Variants in SRGAP3 observed in about 807,000 individuals in gnomAD.
SRGAP3 encodes the protein SLIT-ROBO Rho GTPase activating protein 3.
SRGAP3 carries 39 observed loss-of-function variants against 121.1 expected under a neutral mutation model. The observed-to-expected ratio is 0.32, with a 90% CI of 0.25 to 0.42. SRGAP3 has a LOEUF of 0.42. Among genes scored for constraint, SRGAP3 ranks in the 10% least tolerant of loss-of-function variants. SRGAP3 has a pLI of 1.00. For synonymous variants in SRGAP3, 601 were observed against 570.0 expected, an observed-to-expected ratio of 1.05 and a Z score of -0.77; for missense variants, 1,213 against 1,470.6, an observed-to-expected ratio of 0.82 and a Z score of 2.86.
At chr3:9,096,131 T>C (rs1947957471) in intron 3 of SRGAP3, among the ~76,000 whole-genome samples, 1 of 152,152 alleles carries the variant, frequency 6.6e-6, no homozygotes, top group Non-Finnish European at 1.5e-5. Context: ...TTGTCTTAAT[T>C]TTCTTATTAT....
At chr3:9,335,774 T>A (rs565924064) in intron 1 of SRGAP3, among the ~76,000 whole-genome samples, 1 of 152,236 alleles carries the variant, frequency 6.6e-6, no homozygotes, top group Non-Finnish European at 1.5e-5. Flanking sequence ...GAGAAGTTTA[T>A]AAAATATCAA....
intron 1 of SRGAP3, among the ~76,000 whole-genome samples, chr3:9,166,149 C>A (rs559697881): frequency 1.3e-5 from 2 of 152,320 alleles, no homozygotes; most frequent in South Asian, 2.1e-4. Context: ...CATCTGCCTG[C>A]TCTCATGTGT....
At position 9,167,547 on chromosome 3, in the gene SRGAP3, T is replaced by C. The variant is rs147588921; in HGVS notation, c.68-42630A>G. Among the ~76,000 whole-genome samples, 875 of 152,266 alleles carry C rather than the reference T, an allele frequency of 5.7e-3. 8 individuals are homozygous for C. The highest frequency in any genetic ancestry group is 0.02 in the African/African-American group (822 of 41,544). ...TGCTCCTAAATTCTGGGAGCTGAAT[T>C]CCCTGCTGTCAACGCCTAGGGGGGG... is the stretch of plus-strand genomic sequence containing the variant. On this transcript the variant is annotated intron_variant, in intron 1 of 21. Transcript: ENST00000383836.
intron 1 of SRGAP3, among the ~76,000 whole-genome samples, chr3:9,158,264 G>A (rs1345449497): frequency 2.6e-5 from 4 of 152,170 alleles, no homozygotes; most frequent in Non-Finnish European, 4.4e-5. Context: ...AAGGAGGTGG[G>A]GTGGGGAGGG....
intron 1 of SRGAP3, among the ~76,000 whole-genome samples, chr3:9,358,565 T>C (rs28826951): frequency 0.02 from 3,019 of 152,282 alleles, 101 homozygotes; most frequent in African/African-American, 0.067. Flanking sequence ...CAGCTGTGTG[T>C]TCTCCAACTC....
rs568176419 is a variant in SRGAP3 at position 9,040,171 on chromosome 3, C to G, written c.1409-2081G>C. ...ACTGGGTCTCCTATTCCACTACCAT[C>G]CATTCTTGCCTCAGCAGCCAAGCAA... On this transcript the variant is annotated intron_variant, in intron 10 of 21. Coordinates refer to ENST00000383836, the MANE Select transcript of SRGAP3 (RefSeq NM_014850.4). Among the ~76,000 whole-genome samples, 3 of 152,332 alleles carry G rather than the reference C, an allele frequency of 2.0e-5. No homozygotes were observed. The South Asian group carries it at 6.2e-4, about 32-fold the overall frequency.
chr3:9,164,276 T>TTTTATTTTATTTATTTATTTA (rs1950703976), intron 1 of SRGAP3, among the ~76,000 whole-genome samples: 1 of 140,772 alleles, frequency 7.1e-6, no homozygotes, highest in Non-Finnish European at 1.6e-5. Flanking sequence ...ACCCAGACTA[T>TTTTATTTTATTTATTTATTTA]TTTATTTATT....
intron 1 of SRGAP3, chr3:9,216,728 C>G (rs1032548896): frequency 6.6e-6 from 1 of 152,606 alleles, no homozygotes; most frequent in African/African-American, 2.4e-5. Context: ...CTGACAAGAC[C>G]GCAGCACATG....
chr3:9,202,237 C>T (rs141733127), intron 1 of SRGAP3, among the ~76,000 whole-genome samples: 1 of 152,280 alleles, frequency 6.6e-6, no homozygotes, highest in African/African-American at 2.4e-5. Flanking sequence ...ATTAGCTCGC[C>T]CTTGAGGCAG....
At position 9,089,304 on chromosome 3, in the gene SRGAP3, G is replaced by T. The variant is rs893415962; in HGVS notation, c.424-9217C>A. On this transcript the variant is annotated intron_variant, in intron 3 of 21. Transcript: ENST00000383836. ...TAAGTGGGGTGGGCGGGGGGGGGGG[G>T]GGGGCTGGAGGCTCAGAATGGCTGA... 2.3e-4 allele frequency among the ~76,000 whole-genome samples: 23 copies of T among 98,340 alleles called. 2 individuals carry two copies. The highest frequency in any genetic ancestry group is 4.8e-4 in the Non-Finnish European group (21 of 43,984). 64.5% of individuals were successfully genotyped at this position (98,340 alleles called of 152,430 possible). A position where few individuals can be genotyped will look rare whatever the true frequency, so the allele number is the denominator to read the frequency against.
chr3:9,172,469 T>C (rs1382987212), intron 1 of SRGAP3, among the ~76,000 whole-genome samples: 3 of 152,234 alleles, frequency 2.0e-5, no homozygotes, highest in South Asian at 4.1e-4. Flanking sequence ...CACATTCACC[T>C]GTACAGGGGT....
intron 3 of SRGAP3, among the ~76,000 whole-genome samples, chr3:9,091,530 T>C (rs1947755084): frequency 6.6e-6 from 1 of 152,108 alleles, no homozygotes; most frequent in Admixed American, 6.6e-5. Context: ...ATACATGATG[T>C]ATGTAAGCAC....
At chr3:9,214,616 T>C (rs888381446) in intron 1 of SRGAP3, among the ~76,000 whole-genome samples, 2 of 152,144 alleles carry the variant, frequency 1.3e-5, no homozygotes, top group Non-Finnish European at 2.9e-5. Flanking sequence ...TAGAAATCAC[T>C]GAAATAGACA....
At chr3:9,288,778 T>C (rs928239000) in intron 3 of SRGAP3, among the ~76,000 whole-genome samples, 2 of 151,238 alleles carry the variant, frequency 1.3e-5, no homozygotes, top group African/African-American at 4.9e-5. Flanking sequence ...GTTCCACTAT[T>C]TTGCCCAGGC....
intron 1 of SRGAP3, among the ~76,000 whole-genome samples, chr3:9,203,733 G>A (rs1952153689): frequency 6.6e-6 from 1 of 152,192 alleles, no homozygotes; most frequent in African/African-American, 2.4e-5. Context: ...ACATGGTAAA[G>A]GTTCAAAACT....
At chr3:9,032,567 T>G (rs1397024510) in intron 12 of SRGAP3, 83 bp downstream of exon 12, 9 of 1,285,816 alleles carry the variant, frequency 7.0e-6, no homozygotes, top group Non-Finnish European at 9.0e-6. Context: ...AGGACAGGGC[T>G]GTCTGCTGGC....
intron 1 of SRGAP3, among the ~76,000 whole-genome samples, chr3:9,226,755 A>G (rs574291613): frequency 1.4e-4 from 22 of 152,306 alleles, no homozygotes; most frequent in Non-Finnish European, 2.8e-4. Flanking sequence ...TGAGATGGCC[A>G]TCCATTCACA....
At chr3:9,325,848 C>T (rs1955508808) in intron 3 of SRGAP3, among the ~76,000 whole-genome samples, 1 of 151,882 alleles carries the variant, frequency 6.6e-6, no homozygotes. Context: ...ATAATAGACC[C>T]CTTTTTCATT....
At chr3:8,999,340 G>A (rs749927572) in intron 18 of SRGAP3, among the ~76,000 whole-genome samples, 1 of 152,236 alleles carries the variant, frequency 6.6e-6, no homozygotes, top group Non-Finnish European at 1.5e-5. Context: ...CTAGACATGG[G>A]CTTTTCCGGA....
Sources: gnomAD v4.1 joint callset for allele counts (sites outside exome capture counted in the v4.1 genomes callset) on GRCh38, gnomAD v4.1.1 for gene constraint, MANE v1.5 for transcripts, NCBI Gene and HGNC (gene_info 2026-07-23, HGNC 2026-07-21) for gene names.